Variants in ZDHHC17 observed in about 807,000 individuals in gnomAD.
ZDHHC17 encodes palmitoyltransferase ZDHHC17.
Under a neutral mutation model 90.3 loss-of-function variants are expected in ZDHHC17, and 40 were observed. That is an observed-to-expected ratio of 0.44 (90% CI 0.34 to 0.58). The LOEUF (loss-of-function observed/expected upper bound fraction) is 0.58, where lower values mean the gene tolerates loss of function less well. ZDHHC17 is among the 20% of genes least tolerant of loss of function. The pLI, the probability that ZDHHC17 is intolerant of heterozygous loss-of-function variation, is 0.01. For synonymous variants in ZDHHC17, 235 were observed against 252.4 expected (o/e 0.93, Z 0.65); for missense variants, 614 against 780.8 (o/e 0.79, Z 2.55).
intron 1 of ZDHHC17, among the ~76,000 whole-genome samples, chr12:76,775,748 T>C (rs932264486): frequency 6.6e-6 from 1 of 152,210 alleles, no homozygotes; most frequent in African/African-American, 2.4e-5. Flanking sequence ...AGCTGTTGTT[T>C]TATAATCTTT....
intron 7 of ZDHHC17, among the ~76,000 whole-genome samples, chr12:76,817,165 T>C (rs1286051040): frequency 1.3e-5 from 2 of 152,048 alleles, no homozygotes; most frequent in African/African-American, 2.4e-5. Flanking sequence ...AATGTTTGCT[T>C]TTTGAATGTT....
intron 2 of ZDHHC17, among the ~76,000 whole-genome samples, chr12:76,804,286 C>T (rs548166854): frequency 8.4e-4 from 128 of 152,274 alleles, no homozygotes; most frequent in Non-Finnish European, 1.6e-3. Flanking sequence ...TATTAATAAA[C>T]AAATGCCCAT....
chr12:76,833,052 C>T (rs941088145), intron 10 of ZDHHC17, among the ~76,000 whole-genome samples: 2 of 152,132 alleles, frequency 1.3e-5, no homozygotes, highest in African/African-American at 4.8e-5. Flanking sequence ...TGATACCCAG[C>T]TTATTAAGTT....
intron 2 of ZDHHC17, among the ~76,000 whole-genome samples, chr12:76,801,221 C>A (rs566530000): frequency 3.3e-5 from 5 of 151,444 alleles, no homozygotes; most frequent in South Asian, 2.1e-4. Flanking sequence ...AGCTTTTTTT[C>A]CCTCTCATTT....
intron 15 of ZDHHC17, among the ~76,000 whole-genome samples, chr12:76,848,667 A>G (rs951513459): frequency 6.6e-6 from 1 of 152,138 alleles, no homozygotes; most frequent in Non-Finnish European, 1.5e-5. Context: ...TGATGATGAC[A>G]TTAATTTTGT....
At chr12:76,815,390 T>G (rs1010667501) in intron 6 of ZDHHC17, among the ~76,000 whole-genome samples, 180 bp downstream of exon 6, 1 of 151,978 alleles carries the variant, frequency 6.6e-6, no homozygotes, top group Non-Finnish European at 1.5e-5. Context: ...TCTCCCTCAC[T>G]GATTAGAGCT....
intron 2 of ZDHHC17, among the ~76,000 whole-genome samples, chr12:76,801,044 C>A (rs1456972941): frequency 6.6e-6 from 1 of 151,542 alleles, no homozygotes; most frequent in African/African-American, 2.4e-5. Context: ...TGCACCACCA[C>A]GCCCAGCTAA....
chr12:76,824,354 G>A (rs1273038041), intron 8 of ZDHHC17, among the ~76,000 whole-genome samples: 1 of 151,842 alleles, frequency 6.6e-6, no homozygotes, highest in Admixed American at 6.6e-5. Context: ...TCCTTTTAAA[G>A]CCTATGATGA....
rs1952942733 is a variant in ZDHHC17 at position 76,805,311 on chromosome 12, T to C, written c.198-6T>C. On this transcript the variant is annotated splice_polypyrimidine_tract_variant and splice_region_variant and intron_variant, in intron 2 of 16. Coordinates refer to ENST00000426126, the MANE Select transcript of ZDHHC17 (RefSeq NM_015336.4). ...ATAACAATGCCATATTTTCTTTCTT[T>C]TCTAGATATGGAATATATGAACGCT... The C allele has an allele frequency of 6.3e-6, 10 of 1,588,210 alleles. No homozygotes were observed. Among genetic ancestry groups the C allele is most frequent in the Non-Finnish European group, 7.7e-6 (9 of 1,165,054 alleles).
chr12:76,815,198 A>G lies in ZDHHC17; in HGVS notation c.596A>G (p.Tyr199Cys). 6.4e-7 allele frequency: 1 copy of G among 1,564,040 alleles called. No individual in the cohort carries two copies. The highest frequency in any genetic ancestry group is 8.7e-7 in the Non-Finnish European group (1 of 1,151,996). ...NGMTPLMWAA[Y>C]RTHSVDPTRL... Reference sequence around the variant, plus strand: ...ATGACGCCTTTAATGTGGGCAGCATATAGAACACATAGGTATGTAATGACT... The same window carrying G: ...ATGACGCCTTTAATGTGGGCAGCATGTAGAACACATAGGTATGTAATGACT... The change falls in exon 6 of 17, where the codon TAT becomes TGT. Residue 199 changes from tyrosine to cysteine, a missense_variant. By Grantham distance (194) the Tyr-to-Cys change is radical (BLOSUM62 -2). Around this residue, in one of 5 missense-constraint regions of ZDHHC17, gnomAD observed 358 missense variants for 380.4 expected, o/e 0.94. Transcript: ENST00000426126.
chr12:76,832,376 A>G (rs1209785636), intron 10 of ZDHHC17, among the ~76,000 whole-genome samples: 2 of 152,226 alleles, frequency 1.3e-5, no homozygotes, highest in African/African-American at 2.4e-5. Context: ...TGATTAGACT[A>G]GTTTTGAAAA....
At chr12:76,846,848 C>T (rs1565809927) in intron 14 of ZDHHC17, among the ~76,000 whole-genome samples, 169 bp downstream of exon 14, 1 of 152,206 alleles carries the variant, frequency 6.6e-6, no homozygotes, top group Non-Finnish European at 1.5e-5. Flanking sequence ...TCAATTATGT[C>T]CAATATACAG....
At chr12:76,850,654 T>C (rs1565812687) in intron 16 of ZDHHC17, among the ~76,000 whole-genome samples, 193 bp from the exon 17 acceptor site, 1 of 152,062 alleles carries the variant, frequency 6.6e-6, no homozygotes, top group Non-Finnish European at 1.5e-5. Flanking sequence ...AAAGAAAAAA[T>C]CATTGTTGGC....
intron 10 of ZDHHC17, among the ~76,000 whole-genome samples, chr12:76,837,400 C>T (rs942339889): frequency 1.3e-5 from 2 of 152,144 alleles, no homozygotes; most frequent in African/African-American, 4.8e-5. Flanking sequence ...GAGGTTGAGG[C>T]AGTAGGACCC....
chr12:76,814,634 G>A (rs1953062614), intron 5 of ZDHHC17, among the ~76,000 whole-genome samples: 2 of 151,956 alleles, frequency 1.3e-5, no homozygotes, highest in South Asian at 2.1e-4. Flanking sequence ...AAAATGGTGG[G>A]AAGTAAGGCA....
At chr12:76,764,476 C>A in intron 1 of ZDHHC17, 147 bp downstream of exon 1, 1 of 715,960 alleles carries the variant, frequency 1.4e-6, no homozygotes. Context: ...GGCCTGAGCG[C>A]GGCTGCGAGC....
chr12:76,768,138 A>G (rs749379865), intron 1 of ZDHHC17, among the ~76,000 whole-genome samples: 5 of 152,248 alleles, frequency 3.3e-5, no homozygotes, highest in Non-Finnish European at 7.3e-5. Flanking sequence ...CCTGGCATAT[A>G]GTGAATACTG....
chr12:76,847,179 G>A (rs990403545), intron 14 of ZDHHC17, among the ~76,000 whole-genome samples: 4 of 152,192 alleles, frequency 2.6e-5, no homozygotes, highest in African/African-American at 9.7e-5. Flanking sequence ...ATTCCATCAT[G>A]TGGGTTTTAT....
chr12:76,845,657 T>C (rs1395378160), intron 12 of ZDHHC17, 52 bp from the exon 13 acceptor site: 12 of 765,476 alleles, frequency 1.6e-5, no homozygotes, highest in Non-Finnish European at 2.4e-5. Flanking sequence ...ATAGTCAGCT[T>C]TTCTCTCTTA....
Sources: gnomAD v4.1 joint callset for allele counts (sites outside exome capture counted in the v4.1 genomes callset) on GRCh38, gnomAD v4.1.1 for gene constraint, gnomAD v4.1.1 regional missense constraint, MANE v1.5 for transcripts, NCBI Gene and HGNC (gene_info 2026-07-23, HGNC 2026-07-21) for gene names.